PTPRD: variants seen among roughly 807,000 people sequenced by gnomAD.
The protein encoded by PTPRD is protein tyrosine phosphatase receptor type D, also known as receptor-type tyrosine-protein phosphatase delta.
In PTPRD, 34 loss-of-function variants were observed where a neutral mutation model predicts 214.5. The ratio of observed to expected loss-of-function variants is 0.16; its 90% CI spans 0.12 to 0.21. PTPRD has a LOEUF of 0.21. PTPRD is among the 10% of genes least tolerant of loss of function. The pLI, the probability that PTPRD is intolerant of heterozygous loss-of-function variation, is 1.00. For missense variants in PTPRD, 2,545 were observed against 2,398.7 expected (o/e 1.06, Z -1.27); for synonymous variants, 1,128 against 845.7 (o/e 1.33, Z -5.79).
intron 7 of PTPRD, among the ~76,000 whole-genome samples, chr9:9,588,374 T>C (rs1425833547): frequency 6.6e-6 from 1 of 151,968 alleles, no homozygotes; most frequent in Non-Finnish European, 1.5e-5. Flanking sequence ...ACATTTAGAT[T>C]GGTCATTCAA....
At chr9:10,524,420 C>G (rs1297888618) in intron 2 of PTPRD, among the ~76,000 whole-genome samples, 5 of 151,948 alleles carry the variant, frequency 3.3e-5, no homozygotes, top group Non-Finnish European at 4.4e-5. Flanking sequence ...GAAACATACA[C>G]ACGCTAACAT....
chr9:8,453,595 C>G (rs930107367), intron 33 of PTPRD, among the ~76,000 whole-genome samples: 6 of 152,212 alleles, frequency 3.9e-5, no homozygotes, highest in African/African-American at 1.2e-4. Flanking sequence ...AGAAGACACC[C>G]TCATAGAGGT....
At chr9:10,268,324 A>AATAATG (rs2094212792) in intron 3 of PTPRD, among the ~76,000 whole-genome samples, 2 of 148,240 alleles carry the variant, frequency 1.3e-5, no homozygotes, top group African/African-American at 2.5e-5. Flanking sequence ...TAATAACGAT[A>AATAATG]ATAATAATAA....
chr9:9,542,502 T>A (rs1340186517), intron 8 of PTPRD, among the ~76,000 whole-genome samples: 1 of 151,636 alleles, frequency 6.6e-6, no homozygotes, highest in Non-Finnish European at 1.5e-5. Context: ...TCAAAAGATA[T>A]CATTAAAAAG....
intron 5 of PTPRD, among the ~76,000 whole-genome samples, chr9:9,808,306 T>G (rs557346827): frequency 6.6e-5 from 10 of 152,188 alleles, no homozygotes; most frequent in Non-Finnish European, 7.4e-5. Context: ...AACTTTTTAA[T>G]CTCTTGTTCT....
intron 8 of PTPRD, among the ~76,000 whole-genome samples, chr9:9,461,784 T>C (rs2093680856): frequency 6.6e-6 from 1 of 152,136 alleles, no homozygotes; most frequent in Admixed American, 6.6e-5. Flanking sequence ...CATTTGGATG[T>C]TAAACAGTAA....
intron 10 of PTPRD, among the ~76,000 whole-genome samples, chr9:9,156,882 G>A (rs989292276): frequency 6.6e-6 from 1 of 152,168 alleles, no homozygotes; most frequent in African/African-American, 2.4e-5. Context: ...AATAAGTAAT[G>A]AGGCCTCTCT....
At chr9:9,821,864 G>A (rs1457763273) in intron 5 of PTPRD, among the ~76,000 whole-genome samples, 1 of 150,840 alleles carries the variant, frequency 6.6e-6, no homozygotes, top group Non-Finnish European at 1.5e-5. Flanking sequence ...ACATGCATGT[G>A]CATGCCTGTA....
intron 7 of PTPRD, among the ~76,000 whole-genome samples, chr9:9,716,539 T>C (rs1028445596): frequency 2.4e-4 from 37 of 152,206 alleles, no homozygotes; most frequent in Non-Finnish European, 5.1e-4. Flanking sequence ...TTTTAATGAT[T>C]GCCGTTCTAA....
At chr9:8,318,834 C>A (rs7868789) in intron 45 of PTPRD, among the ~76,000 whole-genome samples, 67,616 of 151,904 alleles carry the variant, frequency 0.45, 19,496 homozygotes, top group African/African-American at 0.82. Context: ...CAATTTACAG[C>A]TCTCTATAGG....
At position 9,458,268 on chromosome 9, in the gene PTPRD, ATT is replaced by A. The variant is rs1178103970; in HGVS notation, c.-236-60788_-236-60787del. ...AATTCAAGTGTACAATGGAAAATAT[ATT>A]TCACTTCATATGTTCATTATTATAA... On this transcript the variant is annotated intron_variant, in intron 8 of 45. Transcript: ENST00000381196. Among the ~76,000 whole-genome samples the A allele has an allele frequency of 1.2e-4, 19 of 152,130 alleles. No individual in the cohort carries two copies. The East Asian group carries it at 3.5e-3, about 28-fold the overall frequency.
At chr9:8,543,335 T>C (rs1474114516) in intron 14 of PTPRD, among the ~76,000 whole-genome samples, 1 of 152,222 alleles carries the variant, frequency 6.6e-6, no homozygotes. Flanking sequence ...TTGAATTCAC[T>C]GGCATAGCAA....
chr9:10,348,728 A>G (rs1442014023), intron 2 of PTPRD, among the ~76,000 whole-genome samples: 1 of 152,164 alleles, frequency 6.6e-6, no homozygotes, highest in African/African-American at 2.4e-5. Flanking sequence ...CGGAACTTCG[A>G]TATATGTGTG....
intron 6 of PTPRD, among the ~76,000 whole-genome samples, chr9:9,736,669 C>A (rs1245213472): frequency 6.6e-6 from 1 of 151,996 alleles, no homozygotes; most frequent in East Asian, 1.9e-4. Flanking sequence ...CTGTACTTTT[C>A]ATTTACATTA....
At chr9:9,866,937 T>C (rs546157455) in intron 5 of PTPRD, among the ~76,000 whole-genome samples, 1 of 152,278 alleles carries the variant, frequency 6.6e-6, no homozygotes, top group South Asian at 2.1e-4. Flanking sequence ...GGGGTGTAAG[T>C]ACAGCTTATA....
At chr9:9,495,790 G>A (rs1377006360) in intron 8 of PTPRD, among the ~76,000 whole-genome samples, 1 of 152,156 alleles carries the variant, frequency 6.6e-6, no homozygotes, top group Non-Finnish European at 1.5e-5. Flanking sequence ...CAAAACTGTT[G>A]TCACACTGAC....
At chr9:8,575,075 T>C (rs1239230762) in intron 14 of PTPRD, among the ~76,000 whole-genome samples, 2 of 152,072 alleles carry the variant, frequency 1.3e-5, no homozygotes, top group African/African-American at 2.4e-5. Flanking sequence ...TACAGAACTG[T>C]CCTCGTACTC....
intron 2 of PTPRD, among the ~76,000 whole-genome samples, chr9:10,587,874 C>A (rs980966880): frequency 1.3e-5 from 2 of 151,872 alleles, no homozygotes; most frequent in Admixed American, 6.6e-5. Flanking sequence ...AAGGACAACT[C>A]ATGGAAAGCT....
chr9:9,819,547 G>T (rs554655848), intron 5 of PTPRD, among the ~76,000 whole-genome samples: 1 of 152,192 alleles, frequency 6.6e-6, no homozygotes, highest in Non-Finnish European at 1.5e-5. Flanking sequence ...GGGTACATGT[G>T]CAGGTTTGTT....
Sources: allele counts gnomAD v4.1 joint callset (sites outside exome capture counted in the v4.1 genomes callset), GRCh38; gene constraint gnomAD v4.1.1; transcripts MANE v1.5; gene names NCBI Gene and HGNC (gene_info 2026-07-23, HGNC 2026-07-21).